The following EPRS1 variants were observed in gnomAD, a reference collection of about 807,000 sequenced individuals.
The protein encoded by EPRS1 is glutamyl-prolyl-tRNA synthetase 1, also known as bifunctional glutamate/proline--tRNA ligase.
Under a neutral mutation model 188.3 loss-of-function variants are expected in EPRS1, and 107 were observed. That is an observed-to-expected ratio of 0.57 (90% CI 0.49 to 0.67). The LOEUF (loss-of-function observed/expected upper bound fraction) is 0.67. Among genes scored for constraint, EPRS1 ranks in the 30% least tolerant of loss-of-function variants. EPRS1 has a pLI of 0.00. For synonymous variants in EPRS1, 596 were observed against 593.1 expected, an observed-to-expected ratio of 1.00 and a Z score of -0.07; for missense variants, 1,577 against 1,802.2, an observed-to-expected ratio of 0.88 and a Z score of 2.26.
At chr1:219,974,284 A>G (rs138665262) in intron 28 of EPRS1, among the ~76,000 whole-genome samples, 58 of 152,278 alleles carry the variant, frequency 3.8e-4, no homozygotes, top group Middle Eastern at 3.4e-3. Flanking sequence ...TGATGCTGAC[A>G]CTGCTGGTCC....
chr1:220,032,356 T>A (rs960379151), intron 5 of EPRS1, 31 bp downstream of exon 5: 1 of 1,564,992 alleles, frequency 6.4e-7, no homozygotes, highest in African/African-American at 1.4e-5. Flanking sequence ...AAAGTGTTTT[T>A]TTTTTTAAAA....
intron 27 of EPRS1, among the ~76,000 whole-genome samples, chr1:219,978,960 A>AT (rs1387096881): frequency 1.6e-5 from 1 of 61,436 alleles, no homozygotes; most frequent in East Asian, 8.1e-4. Context: ...ATATATATAT[A>AT]TATATTTTTT....
chr1:220,033,237 G>T (rs563806922), intron 4 of EPRS1, among the ~76,000 whole-genome samples: 1 of 152,182 alleles, frequency 6.6e-6, no homozygotes, highest in African/African-American at 2.4e-5. Context: ...TCTTTATCAG[G>T]AATAAGATCA....
At chr1:219,993,826 AG>A (rs2102572101) in intron 18 of EPRS1, among the ~76,000 whole-genome samples, 1 of 152,352 alleles carries the variant, frequency 6.6e-6, no homozygotes, top group East Asian at 1.9e-4. Flanking sequence ...TGCAAATTTC[AG>A]GAAGTTACTT....
intron 18 of EPRS1, among the ~76,000 whole-genome samples, chr1:219,995,386 C>T (rs1178459321): frequency 6.6e-6 from 1 of 152,166 alleles, no homozygotes; most frequent in African/African-American, 2.4e-5. Flanking sequence ...TCAATATATT[C>T]TACTTATACA....
rs1661926259 is a variant in EPRS1, at chr1:220,024,081, G to T, written c.943+183C>A. On this transcript the variant is annotated intron_variant, in intron 8 of 31. Transcript: ENST00000366923. ...GCAGAAGAATCACTTGAACCTGGGA[G>T]GCGGAGGTTGCAGTGAGCCGAGATC... is the stretch of plus-strand genomic sequence containing the variant. Among the ~76,000 whole-genome samples, 4 of 152,222 alleles carry T rather than the reference G, an allele frequency of 2.6e-5. No homozygotes were observed. The South Asian group carries it at 8.3e-4, about 32-fold the overall frequency.
rs555102705 is a variant in EPRS1 at position 219,999,051 on chromosome 1, A to G, written c.2182-1709T>C. On this transcript the variant is annotated intron_variant, in intron 17 of 31. Transcript: ENST00000366923. Reference sequence around the variant, plus strand: ...AAGAGAAAACTTTAGAAATACATTGACAATCTGAAGAAAAACCCAAAAACC... The same window carrying G: ...AAGAGAAAACTTTAGAAATACATTGGCAATCTGAAGAAAAACCCAAAAACC... 2.0e-5 allele frequency among the ~76,000 whole-genome samples: 3 copies of G among 152,254 alleles called. No homozygotes were observed. The South Asian group carries it at 6.2e-4, about 32-fold the overall frequency.
At chr1:220,020,345 A>G (rs1429635594) in intron 9 of EPRS1, 124 bp from the exon 10 acceptor site, 4 of 655,020 alleles carry the variant, frequency 6.1e-6, no homozygotes, top group Non-Finnish European at 1.0e-5. Context: ...TTAAAAACCA[A>G]AAGGTTTTAT....
At chr1:220,021,928 C>G (rs1394905831) in intron 9 of EPRS1, among the ~76,000 whole-genome samples, 1 of 151,866 alleles carries the variant, frequency 6.6e-6, no homozygotes, top group Non-Finnish European at 1.5e-5. Context: ...ACATTGAAAA[C>G]TAATCTAAAC....
chr1:220,019,056 A>G lies in EPRS1; in HGVS notation c.1373T>C (p.Val458Ala). 1 of 1,613,154 alleles carries G rather than the reference A, an allele frequency of 6.2e-7. No individual in the cohort carries two copies. Among genetic ancestry groups the G allele is most frequent in the Non-Finnish European group, 8.5e-7 (1 of 1,179,218 alleles). The change falls in exon 11 of 32, where the codon GTT becomes GCT. Residue 458 changes from valine (V) to alanine (A), a missense_variant. Coordinates refer to ENST00000366923, the MANE Select transcript of EPRS1 (RefSeq NM_004446.3). The stretch of plus-strand genomic sequence containing the variant: ...CATCCCTCTTCTCAGTACACCACGA[A>G]CCGTAGGAAATCTTGGGTCATCCCT... ...DGWDDPRFPTVRGVLRRGMTV... is the reference protein window; with the variant it reads ...DGWDDPRFPTARGVLRRGMTV...
intron 28 of EPRS1, among the ~76,000 whole-genome samples, chr1:219,974,322 C>G (rs1660734250): frequency 6.6e-6 from 1 of 152,166 alleles, no homozygotes; most frequent in Admixed American, 6.6e-5. Flanking sequence ...AACCACTCCC[C>G]TATACTCTTT....
At chr1:219,992,632 A>C (rs1313485777) in intron 18 of EPRS1, among the ~76,000 whole-genome samples, 1 of 152,210 alleles carries the variant, frequency 6.6e-6, no homozygotes, top group Non-Finnish European at 1.5e-5. Context: ...ATTCCAATAA[A>C]ACTTCATTTA....
chr1:220,036,941 A>C (rs949596879), intron 2 of EPRS1, among the ~76,000 whole-genome samples: 1 of 152,144 alleles, frequency 6.6e-6, no homozygotes, highest in African/African-American at 2.4e-5. Flanking sequence ...GAACACTCAG[A>C]TACTAAAAAC....
At chr1:219,996,919 C>T in intron 18 of EPRS1, 64 bp downstream of exon 18, 1 of 1,462,634 alleles carries the variant, frequency 6.8e-7, no homozygotes, top group Non-Finnish European at 9.1e-7. Context: ...GAAGATGAGA[C>T]TACTCTAAGC....
At chr1:219,972,309 G>A (rs1182834795) in intron 29 of EPRS1, among the ~76,000 whole-genome samples, 162 bp from the exon 30 acceptor site, 1 of 152,068 alleles carries the variant, frequency 6.6e-6, no homozygotes, top group Non-Finnish European at 1.5e-5. Flanking sequence ...GTATATCAGA[G>A]TTACCTTATC....
At position 220,023,655 on chromosome 1, in the gene EPRS1, G is replaced by C. The variant is rs1661917744; in HGVS notation, c.943+609C>G. Among the ~76,000 whole-genome samples the C allele has an allele frequency of 2.6e-5, 4 of 152,184 alleles. 1 individual carries two copies. In the South Asian group the frequency reaches 8.3e-4, roughly 32 times the overall value. ...AAACATTGTATTATAGAAAGGCTAA[G>C]TATTTAAAGTAAGAAAACTGTAAAA... On this transcript the variant is annotated intron_variant, in intron 8 of 31. Coordinates refer to ENST00000366923, the MANE Select transcript of EPRS1 (RefSeq NM_004446.3).
At chr1:219,980,904 A>ATT in intron 24 of EPRS1, 47 bp from the exon 25 acceptor site, 65 of 903,942 alleles carry the variant, frequency 7.2e-5, no homozygotes, top group East Asian at 1.0e-4. Flanking sequence ...GAGCTTTTCA[A>ATT]TTTTTTTTTT....
intron 17 of EPRS1, among the ~76,000 whole-genome samples, chr1:219,997,863 A>G (rs1204755873): frequency 6.6e-6 from 1 of 152,228 alleles, no homozygotes; most frequent in Non-Finnish European, 1.5e-5. Context: ...GATGAAATAC[A>G]TCTAGATTGT....
intron 20 of EPRS1, 73 bp downstream of exon 20, chr1:219,987,069 T>G: frequency 1.3e-6 from 2 of 1,495,184 alleles, no homozygotes; most frequent in South Asian, 2.6e-5. Context: ...CCAGTCAAAA[T>G]TTGTTTTAAA....
Sources: gnomAD v4.1 joint callset for allele counts (sites outside exome capture counted in the v4.1 genomes callset) on GRCh38, gnomAD v4.1.1 for gene constraint, MANE v1.5 for transcripts, NCBI Gene and HGNC (gene_info 2026-07-23, HGNC 2026-07-21) for gene names.